Variants in TMPRSS3 observed in about 807,000 individuals in gnomAD.
The protein encoded by TMPRSS3 is transmembrane serine protease 3, also known as transmembrane protease serine 3.
Under a neutral mutation model 59.6 loss-of-function variants are expected in TMPRSS3, and 55 were observed. The ratio of observed to expected loss-of-function variants is 0.92; its 90% confidence interval spans 0.74 to 1.16. TMPRSS3 has a LOEUF of 1.16. Among genes scored for constraint, TMPRSS3 ranks in the 50% most tolerant of loss-of-function variants. TMPRSS3 has a pLI of 0.00. For missense variants in TMPRSS3, 596 were observed against 579.4 expected (o/e 1.03, Z -0.29); for synonymous variants, 257 against 237.7 (o/e 1.08, Z -0.75).
intron 10 of TMPRSS3, among the ~76,000 whole-genome samples, chr21:42,379,473 G>A (rs930728511): frequency 3.3e-5 from 5 of 152,164 alleles, no homozygotes; most frequent in African/African-American, 4.8e-5. Context: ...AATTTCCATC[G>A]TTTTAAGCCA....
At chr21:42,375,056 T>C (rs755946) in intron 12 of TMPRSS3, among the ~76,000 whole-genome samples, 84,652 of 151,690 alleles carry the variant, frequency 0.56, 26,282 homozygotes, top group African/African-American at 0.85. Flanking sequence ...AAAGGCGCCG[T>C]GTTCACCTGC....
chr21:42,381,874 G>A, intron 9 of TMPRSS3, 191 bp downstream of exon 9: 1 of 769,780 alleles, frequency 1.3e-6, no homozygotes, highest in East Asian at 2.7e-5. Flanking sequence ...CATACCAAGA[G>A]CTAGGAGCAT....
intron 6 of TMPRSS3, among the ~76,000 whole-genome samples, chr21:42,384,835 C>A (rs989962156): frequency 6.6e-6 from 1 of 152,082 alleles, no homozygotes; most frequent in Non-Finnish European, 1.5e-5. Context: ...TGCTACACAC[C>A]GTCTAACCTG....
intron 9 of TMPRSS3, 81 bp downstream of exon 9, chr21:42,381,984 A>G (rs1232861102): frequency 1.9e-6 from 3 of 1,548,826 alleles, no homozygotes. Context: ...AGCAGCCATC[A>G]TAAGAATGCT....
At position 42,374,324 on chromosome 21, in the gene TMPRSS3, T is replaced by G. The variant is rs578240526; in HGVS notation, c.1344+1392A>C. ...CACGCCCCGAGGGGGTGCTCAGGGC[T>G]GCAGGGCGGCAGTGCTGGAGGTGAA... is the stretch of plus-strand genomic sequence containing the variant. On this transcript the variant is annotated intron_variant, in intron 12 of 12. Transcript: ENST00000644384. 5.3e-5 allele frequency among the ~76,000 whole-genome samples: 8 copies of G among 152,354 alleles called. No individual in the cohort carries two copies. In the South Asian group the frequency reaches 1.7e-3, roughly 32 times the overall value.
chr21:42,372,891 C>G (rs1030166182), intron 12 of TMPRSS3, 112 bp from the exon 13 acceptor site: 2 of 1,339,404 alleles, frequency 1.5e-6, no homozygotes, highest in African/African-American at 2.9e-5. Context: ...GGGCTGTTCT[C>G]CACGATGAAG....
intron 6 of TMPRSS3, 89 bp downstream of exon 6, chr21:42,385,320 C>A: frequency 6.3e-7 from 1 of 1,577,254 alleles, no homozygotes; most frequent in Non-Finnish European, 8.7e-7. Context: ...ATGCATGCCT[C>A]TTAAGTCCTT....
At chr21:42,389,172 C>A (rs1255391238) in intron 3 of TMPRSS3, 127 bp from the exon 4 acceptor site, 5 of 1,531,092 alleles carry the variant, frequency 3.3e-6, no homozygotes, top group Non-Finnish European at 4.4e-6. Context: ...AAATTGCGTC[C>A]CTGTCAGCAG....
Position 42,388,668 on chromosome 21 carries a change from G to C in TMPRSS3, c.323-142C>G, listed in dbSNP as rs1452105900. ...TGTCCACGGCAGCCTCCCCATCACA[G>C]AGCAGTGACTCTGGATCCCTGAGAC... is the stretch of plus-strand genomic sequence containing the variant. On this transcript the variant is annotated intron_variant, in intron 4 of 12. Coordinates refer to ENST00000644384, the MANE Select transcript of TMPRSS3 (RefSeq NM_001256317.3). The surrounding 1 kb of genome is among the most constrained non-coding windows in gnomAD (Gnocchi z 5.1). The C allele has an allele frequency of 1.7e-6, 2 of 1,208,056 alleles. No individual in the cohort carries two copies. The highest frequency in any genetic ancestry group is 1.2e-6 in the Non-Finnish European group (1 of 830,376). 74.8% of individuals were successfully genotyped at this position (1,208,056 alleles called of 1,614,324 possible). A position where few individuals can be genotyped will look rare whatever the true frequency, so the allele number is the denominator to read the frequency against.
intron 12 of TMPRSS3, among the ~76,000 whole-genome samples, chr21:42,373,036 A>G (rs1389455186): frequency 2.0e-5 from 3 of 152,184 alleles, no homozygotes. Flanking sequence ...GGAAACTTCC[A>G]GGTCTCGGCA....
Position 42,380,959 on chromosome 21 carries a change from G to T in TMPRSS3, c.953-747C>A, listed in dbSNP as rs181121205. Among the ~76,000 whole-genome samples, 496 of 152,350 alleles carry T rather than the reference G, an allele frequency of 3.3e-3. 1 individual carries two copies. Among genetic ancestry groups the T allele is most frequent in the Non-Finnish European group, 5.6e-3 (378 of 68,040 alleles). Reference sequence around the variant, plus strand: ...CCTATAACCAATATCATTAATAATAGTTGGCAGACTGGCACCACCATAATC... The same window carrying T: ...CCTATAACCAATATCATTAATAATATTTGGCAGACTGGCACCACCATAATC... On this transcript the variant is annotated intron_variant, in intron 9 of 12. Coordinates refer to ENST00000644384, the MANE Select transcript of TMPRSS3 (RefSeq NM_001256317.3).
rs140443203 is a variant in TMPRSS3 at position 42,382,247 on chromosome 21, G to T, written c.783-13C>A. On this transcript the variant is annotated splice_polypyrimidine_tract_variant and intron_variant, in intron 8 of 12. Transcript: ENST00000644384. ...GGGGAGGTACAAGCTGAAATGAGAAGAGCAAGAGGTGAAGCACAGGAAAAG... is the reference window on the plus strand; with the variant it reads ...GGGGAGGTACAAGCTGAAATGAGAATAGCAAGAGGTGAAGCACAGGAAAAG... 20 of 1,613,282 alleles carry T rather than the reference G, an allele frequency of 1.2e-5. No homozygotes were observed. Among genetic ancestry groups the T allele is most frequent in the Non-Finnish European group, 1.6e-5 (19 of 1,179,428 alleles).
At chr21:42,386,617 C>T (rs554132584) in intron 5 of TMPRSS3, among the ~76,000 whole-genome samples, 4 of 152,322 alleles carry the variant, frequency 2.6e-5, no homozygotes, top group African/African-American at 9.6e-5. Flanking sequence ...CCAAGCCCTT[C>T]CACACTCACA....
chr21:42,375,122 A>G (rs991180984), intron 12 of TMPRSS3, among the ~76,000 whole-genome samples: 2 of 151,132 alleles, frequency 1.3e-5, no homozygotes, highest in Admixed American at 6.6e-5. Flanking sequence ...TTCCTCCTCC[A>G]CCGTCTCAGG....
chr21:42,392,717 A>G (rs1442495814), intron 2 of TMPRSS3, among the ~76,000 whole-genome samples: 1 of 152,178 alleles, frequency 6.6e-6, no homozygotes, highest in Non-Finnish European at 1.5e-5. Context: ...TCTCCTCTAT[A>G]AGGATGCCCA....
Position 42,375,716 on chromosome 21 carries a change from C to T in TMPRSS3, c.1344G>A (p.Glu448=). The change falls in exon 12 of 13, where the codon GAG becomes GAA. Residue 448 remains glutamate (E), a splice_region_variant and synonymous_variant. Coordinates refer to ENST00000644384, the MANE Select transcript of TMPRSS3 (RefSeq NM_001256317.3). ...SFLDWIHEQM[E]RDLKT is the part of the protein sequence containing the mutation. ...GAGCTGGGGAGGGCGCCGCACCCAC[C>T]TCCATCTGCTCGTGGATCCAGTCCA... is the stretch of plus-strand genomic sequence containing the variant. 6.2e-7 allele frequency: 1 copy of T among 1,613,762 alleles called. No individual in the cohort carries two copies. Among genetic ancestry groups the T allele is most frequent in the Non-Finnish European group, 8.5e-7 (1 of 1,180,026 alleles).
chr21:42,392,325 C>T (rs942591687), intron 2 of TMPRSS3, among the ~76,000 whole-genome samples: 4 of 152,014 alleles, frequency 2.6e-5, no homozygotes, highest in Admixed American at 1.3e-4. Context: ...ACATGGAATG[C>T]GAGGAGAAAA....
intron 5 of TMPRSS3, among the ~76,000 whole-genome samples, chr21:42,387,814 G>A (rs948057818): frequency 6.6e-6 from 1 of 152,160 alleles, no homozygotes; most frequent in African/African-American, 2.4e-5. Flanking sequence ...GAGAGAAGGA[G>A]GCCCATGCCT....
At chr21:42,395,208 C>T in intron 2 of TMPRSS3, 116 bp downstream of exon 2, 1 of 863,104 alleles carries the variant, frequency 1.2e-6, no homozygotes, top group Non-Finnish European at 1.9e-6. Context: ...GGTGTCCAGC[C>T]TGTGGGTGTC....
Sources: allele counts gnomAD v4.1 joint callset (sites outside exome capture counted in the v4.1 genomes callset), GRCh38; gene constraint gnomAD v4.1.1; non-coding constraint Gnocchi (gnomAD v3.1); transcripts MANE v1.5; gene names NCBI Gene and HGNC (gene_info 2026-07-23, HGNC 2026-07-21).